The following ITGAD variants were observed in gnomAD, a reference collection of about 807,000 sequenced individuals.
ITGAD encodes integrin alpha-D.
ITGAD carries 105 observed loss-of-function variants against 139.0 expected under a neutral mutation model. The ratio of observed to expected loss-of-function variants is 0.76; its 90% CI spans 0.65 to 0.89. ITGAD has a LOEUF of 0.89. ITGAD is among the 40% of genes least tolerant of loss of function. The probability of loss-of-function intolerance (pLI) is 0.00; values close to 1 mark genes in which losing one functional copy is unlikely to be tolerated. For missense variants in ITGAD, 1,384 were observed against 1,487.3 expected (o/e 0.93, Z 1.14); for synonymous variants, 569 against 598.3 (o/e 0.95, Z 0.71).
chr16:31,394,872 A>G (rs1168761373), intron 2 of ITGAD, among the ~76,000 whole-genome samples: 1 of 152,126 alleles, frequency 6.6e-6, no homozygotes, highest in African/African-American at 2.4e-5. Context: ...ACAGAGATGG[A>G]GTCTTGCTAT....
chr16:31,408,628 CGT>C, intron 10 of ITGAD, 130 bp downstream of exon 10: 1 of 743,666 alleles, frequency 1.3e-6, no homozygotes. Flanking sequence ...GGCCCCCACG[CGT>C]GTGTTAGGGG....
rs1031714987 is a variant in ITGAD at position 31,423,101 on chromosome 16, GCT to G, written c.2781-5_2781-4del. The stretch of plus-strand genomic sequence containing the variant: ...TTTCAGGGCTGTTTTTCACCCACAG[GCT>G]CTCTCTCCAGGCAGGAAGAATCCAC... On this transcript the variant is annotated splice_polypyrimidine_tract_variant and intron_variant, in intron 23 of 29. Coordinates refer to ENST00000389202, the MANE Select transcript of ITGAD (RefSeq NM_005353.3). The G allele has an allele frequency of 2.5e-6, 4 of 1,611,720 alleles. No individual in the cohort carries two copies. Among genetic ancestry groups the G allele is most frequent in the East Asian group, 2.2e-5 (1 of 44,870 alleles).
In ITGAD at chr16:31,402,231, G is replaced by A. The variant is rs376745088; in HGVS notation, c.544G>A (p.Gly182Ser). 4 of 1,609,836 alleles carry A rather than the reference G, an allele frequency of 2.5e-6. No individual in the cohort carries two copies. The highest frequency in any genetic ancestry group is 1.7e-5 in the Admixed American group (1 of 59,822). ...CCAAGCTGTCATGGGCCAGTTTGAG[G>A]GCACTGACACCCTGGTGAAGACTGG... is the stretch of plus-strand genomic sequence containing the variant. ...FVQAVMGQFE[G>S]TDTLFALMQY... Residue 182 changes from glycine to serine, a missense_variant, in exon 6 of 30, where the codon GGC becomes AGC. By Grantham distance (56) the Gly-to-Ser change is moderately conservative. Coordinates refer to ENST00000389202, the MANE Select transcript of ITGAD (RefSeq NM_005353.3).
Position 31,407,833 on chromosome 16 carries a change from A to G in ITGAD, c.926A>G (p.Gln309Arg), listed in dbSNP as rs2081578507. 14 of 1,612,242 alleles carry G rather than the reference A, an allele frequency of 8.7e-6. No homozygotes were observed. Among genetic ancestry groups the G allele is most frequent in the Non-Finnish European group, 1.2e-5 (14 of 1,178,504 alleles). Residue 309 changes from glutamine to arginine, a missense_variant, in exon 9 of 30, where the codon CAG becomes CGG. Transcript: ENST00000389202. ...ELNTISSAPP[Q>R]DHVFKVDNFA... Reference sequence around the variant, plus strand: ...AATACCATCAGCTCAGCGCCTCCGCAGGACCACGTGTTCAAGGTGGACAAC... The same window carrying G: ...AATACCATCAGCTCAGCGCCTCCGCGGGACCACGTGTTCAAGGTGGACAAC...
chr16:31,414,855 C>G lies in ITGAD; in HGVS notation c.2152-5C>G. 1 of 1,613,930 alleles carries G rather than the reference C, an allele frequency of 6.2e-7. No individual in the cohort carries two copies. The highest frequency in any genetic ancestry group is 1.1e-5 in the South Asian group (1 of 91,044). ...GCAGGTTCTTGAAAGCCTGTTCTCT[C>G]TCAGGATTGTGTGGAGGATGTGGTG... On this transcript the variant is annotated splice_polypyrimidine_tract_variant and splice_region_variant and intron_variant, in intron 17 of 29. Coordinates refer to ENST00000389202, the MANE Select transcript of ITGAD (RefSeq NM_005353.3).
chr16:31,405,332 T>A (rs1361252136), intron 7 of ITGAD, among the ~76,000 whole-genome samples: 2 of 152,340 alleles, frequency 1.3e-5, no homozygotes, highest in Admixed American at 1.3e-4. Context: ...CTTCTTTTTT[T>A]AAAAAGAAGT....
chr16:31,415,161 C>G (rs1464545879), intron 18 of ITGAD, among the ~76,000 whole-genome samples, 170 bp downstream of exon 18: 2 of 152,140 alleles, frequency 1.3e-5, no homozygotes, highest in Non-Finnish European at 2.9e-5. Context: ...CCAGGACTGA[C>G]ATGAAGTCCA....
chr16:31,394,972 T>A (rs1345870960), intron 2 of ITGAD, among the ~76,000 whole-genome samples: 1 of 152,190 alleles, frequency 6.6e-6, no homozygotes, highest in Non-Finnish European at 1.5e-5. Context: ...AGCCACCCTG[T>A]CTTGCCAATT....
intron 16 of ITGAD, among the ~76,000 whole-genome samples, chr16:31,414,072 A>G (rs1334677577): frequency 6.6e-6 from 1 of 152,104 alleles, no homozygotes; most frequent in Non-Finnish European, 1.5e-5. Flanking sequence ...TCTATCTATT[A>G]TCTATTAATC....
intron 17 of ITGAD, 119 bp from the exon 18 acceptor site, chr16:31,414,741 C>A (rs571208311): frequency 1.9e-6 from 3 of 1,549,584 alleles, no homozygotes; most frequent in African/African-American, 1.4e-5. Context: ...GGCAGGAGAA[C>A]CTGGCTCCAC....
rs1212292430 is a variant in ITGAD, at chr16:31,424,354, G to GTC, written c.3262-110_3262-109dup. 1.1e-5 allele frequency: 14 copies of GTC among 1,249,388 alleles called. No homozygotes were observed. In the East Asian group the frequency reaches 3.0e-4, roughly 27 times the overall value. 77.4% of individuals were successfully genotyped at this position (1,249,388 alleles called of 1,614,324 possible). On this transcript the variant is annotated intron_variant, in intron 28 of 29. Transcript: ENST00000389202. The stretch of plus-strand genomic sequence containing the variant: ...TCCCTAAGGGCACGGGTGCTACTGT[G>GTC]TCTCACTCCTTGGAGCAGAGCCTCA...
chr16:31,419,176 G>C (rs2081960218), intron 23 of ITGAD, among the ~76,000 whole-genome samples: 1 of 149,754 alleles, frequency 6.7e-6, no homozygotes, highest in Non-Finnish European at 1.5e-5. Context: ...CTGGGCAATA[G>C]AGCAAGATTC....
intron 7 of ITGAD, among the ~76,000 whole-genome samples, chr16:31,405,773 G>A (rs1391155823): frequency 6.6e-6 from 1 of 151,516 alleles, no homozygotes; most frequent in African/African-American, 2.4e-5. Flanking sequence ...TCCCGAGTTG[G>A]GATCACAGGT....
intron 5 of ITGAD, among the ~76,000 whole-genome samples, chr16:31,399,864 C>T (rs2454908): frequency 0.63 from 95,485 of 152,004 alleles, 31,365 homozygotes; most frequent in African/African-American, 0.81. Flanking sequence ...TCCTGGGTGG[C>T]GGGCAGGCCC....
chr16:31,413,247 G>C lies in ITGAD; in HGVS notation c.1996+1G>C. Reference sequence around the variant, plus strand: ...CAGAAAAGCTCACTGGACCAGCTAGGTGTGTTTCCCCCATAAAGGGGGCCC... The same window carrying C: ...CAGAAAAGCTCACTGGACCAGCTAGCTGTGTTTCCCCCATAAAGGGGGCCC... On this transcript the variant is annotated splice_donor_variant, in intron 16 of 29. Transcript: ENST00000389202. LOFTEE classifies it high-confidence loss of function. 6.2e-7 allele frequency: 1 copy of C among 1,613,946 alleles called. No individual in the cohort carries two copies.
At chr16:31,408,378 A>C in intron 9 of ITGAD, 47 bp from the exon 10 acceptor site, 1 of 1,508,102 alleles carries the variant, frequency 6.6e-7, no homozygotes, top group Non-Finnish European at 9.2e-7. Context: ...CTGAGTCCTC[A>C]TGGGTCTCAT....
intron 10 of ITGAD, among the ~76,000 whole-genome samples, chr16:31,409,531 G>A (rs1029165780): frequency 5.3e-5 from 8 of 152,068 alleles, no homozygotes; most frequent in African/African-American, 1.9e-4. Context: ...GTTCAAGAAA[G>A]CAATAAACAA....
chr16:31,397,435 G>T lies in ITGAD; in HGVS notation c.214G>T (p.Gly72Cys). ...GCTGTATGACTGCGCAGCTGCCACC[G>T]GCATGTGCCAGCCCATCCCGCTGCA... ...GRLYDCAAATGMCQPIPLHIR... is the reference protein window; with the variant it reads ...GRLYDCAAATCMCQPIPLHIR... The change falls in exon 3 of 30, where the codon GGC (glycine) becomes TGC (cysteine). Residue 72 changes from glycine to cysteine, a missense_variant. Coordinates refer to ENST00000389202, the MANE Select transcript of ITGAD (RefSeq NM_005353.3). The T allele has an allele frequency of 6.2e-7, 1 of 1,600,558 alleles. No homozygotes were observed.
chr16:31,410,947 G>A, intron 12 of ITGAD, 69 bp downstream of exon 12: 6 of 1,598,166 alleles, frequency 3.8e-6, no homozygotes, highest in Non-Finnish European at 5.1e-6. Flanking sequence ...AGTGGCCGGG[G>A]CTAGGGAGAG....
Sources: gnomAD v4.1 joint callset for allele counts (sites outside exome capture counted in the v4.1 genomes callset) on GRCh38, gnomAD v4.1.1 for gene constraint, MANE v1.5 for transcripts, NCBI Gene and HGNC (gene_info 2026-07-23, HGNC 2026-07-21) for gene names.